Variants in TRIM5 observed in about 807,000 individuals in gnomAD.
The protein encoded by TRIM5 is tripartite motif-containing protein 5.
A neutral mutation model predicts 35.6 loss-of-function variants in TRIM5; 31 were observed. That is an observed-to-expected ratio of 0.87 (90% CI 0.65 to 1.18). The LOEUF is 1.18. Ranked by LOEUF, TRIM5 falls within the 50% of genes most tolerant of loss-of-function variation. The probability of loss-of-function intolerance (pLI) is 0.00; values close to 1 mark genes in which losing one functional copy is unlikely to be tolerated. For missense variants in TRIM5, 609 were observed against 591.6 expected, an observed-to-expected ratio of 1.03 and a Z score of -0.31; for synonymous variants, 243 against 215.6, an observed-to-expected ratio of 1.13 and a Z score of -1.11.
chr11:5,621,769 G>T, the TRIM5 span, among the ~76,000 whole-genome samples: 1 of 152,166 alleles, frequency 6.6e-6, no homozygotes, highest in East Asian at 1.9e-4. Flanking sequence ...CCTTTGAAAA[G>T]GCTAATCAGA....
At chr11:5,635,515 C>G in the TRIM5 span, among the ~76,000 whole-genome samples, 1 of 152,126 alleles carries the variant, frequency 6.6e-6, no homozygotes, top group East Asian at 1.9e-4. Context: ...CTCGGCCTTC[C>G]AAAATGCTGG....
At chr11:5,678,649 A>G (rs1465197941) in intron 3 of TRIM5, among the ~76,000 whole-genome samples, 1 of 152,204 alleles carries the variant, frequency 6.6e-6, no homozygotes, top group East Asian at 1.9e-4. Context: ...TCCTGCATCA[A>G]AATGGGTTAC....
rs2134035223 is a variant in TRIM5 at position 5,667,701 on chromosome 11, C to T, written c.755G>A (p.Gly252Asp). Reference sequence around the variant, plus strand: ...CTCCCACACATACCTTTTTATGACGCCATCCACACCCTAGGAAGAAGAGAG... The same window carrying T: ...CTCCCACACATACCTTTTTATGACGTCATCCACACCCTAGGAAGAAGAGAG... ...SVMELLQGVDGVIKRTENVTL... is the reference protein window; with the variant it reads ...SVMELLQGVDDVIKRTENVTL... Residue 252 changes from glycine to aspartate, a missense_variant, in exon 5 of 8, where the codon GGC (glycine) becomes GAC (aspartate). By Grantham distance (94) the Gly-to-Asp change is moderately conservative (BLOSUM62 -1). Coordinates refer to ENST00000380034, the MANE Select transcript of TRIM5 (RefSeq NM_033034.3). 1 of 1,613,534 alleles carries T rather than the reference C, an allele frequency of 6.2e-7. No individual in the cohort carries two copies.
Position 5,663,227 on chromosome 11 carries a change from G to T in TRIM5, c.*1582C>A, listed in dbSNP as rs141477452. On this transcript the variant is annotated 3_prime_UTR_variant, in exon 8 of 8. Transcript: ENST00000380034. ...ATGAGTGAAGCTATTCAAAAAACTC[G>T]TTTAACTTTTAAAAAACTACATCAG... 1.1e-6 allele frequency: 1 copy of T among 943,034 alleles called. No individual in the cohort carries two copies. The highest frequency in any genetic ancestry group is 1.8e-5 in the African/African-American group (1 of 56,388). The allele number at this position is 943,034 out of a possible 1,614,324, so 58.4% of individuals were successfully genotyped here.
the TRIM5 span, chr11:5,632,455 A>G: frequency 6.2e-7 from 1 of 1,613,900 alleles, no homozygotes; most frequent in Non-Finnish European, 8.5e-7. Flanking sequence ...CATCACTGTG[A>G]GCAACAAGGA....
the TRIM5 span, among the ~76,000 whole-genome samples, chr11:5,607,167 G>C: frequency 6.6e-6 from 1 of 152,028 alleles, no homozygotes; most frequent in South Asian, 2.1e-4. Context: ...TCGCACCACT[G>C]CACTCCAGCC....
In TRIM5 at chr11:5,664,301, T is replaced by C. The variant is rs776766128; in HGVS notation, c.*508A>G. On this transcript the variant is annotated 3_prime_UTR_variant, in exon 8 of 8. Transcript: ENST00000380034. ...CTGCTGGTATATGGAGAGACAGGAG[T>C]TGAACTGAGATCCTCTAGATACAAA... is the stretch of plus-strand genomic sequence containing the variant. 4 of 985,534 alleles carry C rather than the reference T, an allele frequency of 4.1e-6. No individual in the cohort carries two copies. The highest frequency in any genetic ancestry group is 4.8e-6 in the Non-Finnish European group (4 of 830,348). 61.0% of individuals were successfully genotyped at this position (985,534 alleles called of 1,614,324 possible). A position where few individuals can be genotyped will look rare whatever the true frequency, so the allele number is the denominator to read the frequency against.
the TRIM5 span, chr11:5,610,026 C>A: frequency 9.0e-6 from 9 of 1,001,996 alleles, no homozygotes; most frequent in Non-Finnish European, 1.3e-5. Flanking sequence ...CAGAATGATG[C>A]TAAGTGTATT....
the TRIM5 span, chr11:5,603,639 G>A: frequency 6.2e-7 from 1 of 1,613,676 alleles, no homozygotes; most frequent in Non-Finnish European, 8.5e-7. Flanking sequence ...TCTTCTGTCA[G>A]GAGGATGGGA....
At chr11:5,643,697 A>T in the TRIM5 span, 1 of 1,581,680 alleles carries the variant, frequency 6.3e-7, no homozygotes, top group Non-Finnish European at 8.6e-7. Flanking sequence ...CTCTATGCCC[A>T]CCAAGCTCTT....
chr11:5,652,317 T>C, the TRIM5 span, among the ~76,000 whole-genome samples: 1 of 152,238 alleles, frequency 6.6e-6, no homozygotes, highest in Admixed American at 6.5e-5. Flanking sequence ...TTTAATTCTT[T>C]AATCCATCTT....
the TRIM5 span, among the ~76,000 whole-genome samples, chr11:5,653,585 G>A: frequency 6.0e-5 from 9 of 149,352 alleles, no homozygotes; most frequent in East Asian, 2.0e-4. Flanking sequence ...TCTGCCTCCC[G>A]GGTTCAAGCG....
chr11:5,613,613 T>C, the TRIM5 span, among the ~76,000 whole-genome samples: 2 of 152,104 alleles, frequency 1.3e-5, no homozygotes, highest in Non-Finnish European at 2.9e-5. Flanking sequence ...TCTGCTGGAG[T>C]AGTTATCCCC....
At chr11:5,603,118 G>T in the TRIM5 span, 4 of 1,451,398 alleles carry the variant, frequency 2.8e-6, no homozygotes, top group South Asian at 5.7e-5. Context: ...GAACGTATTG[G>T]ATATGAGAAT....
chr11:5,619,452 TC>T, the TRIM5 span, among the ~76,000 whole-genome samples: 2 of 151,944 alleles, frequency 1.3e-5, no homozygotes, highest in African/African-American at 4.8e-5. Context: ...TCAGAATGGT[TC>T]TTTTACTCTC....
At chr11:5,662,852 G>A (rs998825474), downstream of TRIM5, among the ~76,000 whole-genome samples, 39 of 152,160 alleles carry the variant, frequency 2.6e-4, no homozygotes, top group African/African-American at 8.9e-4. Flanking sequence ...TAATGAGGCC[G>A]GGCATGGTGG....
intron 4 of TRIM5, chr11:5,677,798 T>TA (rs758377962): frequency 9.1e-5 from 14 of 153,210 alleles, no homozygotes; most frequent in South Asian, 2.1e-4. Context: ...TTCAGAAAAT[T>TA]AAAAAAAAAG....
At chr11:5,667,753 C>A (rs375855690) in intron 4 of TRIM5, 42 bp from the exon 5 acceptor site, 3 of 1,603,712 alleles carry the variant, frequency 1.9e-6, no homozygotes, top group South Asian at 1.1e-5. Context: ...AAGAAAGAGT[C>A]TCTCCTCACT....
the TRIM5 span, chr11:5,625,023 C>T: frequency 6.6e-6 from 1 of 152,332 alleles, no homozygotes; most frequent in Non-Finnish European, 1.5e-5. Flanking sequence ...TTTTCTTCAC[C>T]TCTTCAACCA....
Sources: allele counts gnomAD v4.1 joint callset (sites outside exome capture counted in the v4.1 genomes callset), GRCh38; gene constraint gnomAD v4.1.1; transcripts MANE v1.5; gene names NCBI Gene and HGNC (gene_info 2026-07-23, HGNC 2026-07-21).